Variants in SCN1A observed in about 807,000 individuals in gnomAD.
SCN1A encodes the protein sodium channel protein type 1 subunit alpha.
In SCN1A, 13 loss-of-function variants were observed where a neutral mutation model predicts 193.7. The observed-to-expected ratio is 0.07, with a 90% confidence interval of 0.04 to 0.11. The LOEUF (loss-of-function observed/expected upper bound fraction) is 0.11, where lower values mean the gene tolerates loss of function less well. SCN1A is among the 10% of genes least tolerant of loss of function. The pLI, the probability that SCN1A is intolerant of heterozygous loss-of-function variation, is 1.00. For synonymous variants in SCN1A, 781 were observed against 843.6 expected, an observed-to-expected ratio of 0.93 and a Z score of 1.29; for missense variants, 1,432 against 2,451.1, an observed-to-expected ratio of 0.58 and a Z score of 8.78.
chr2:166,056,374 A>G lies in SCN1A; in HGVS notation c.473+37T>C, dbSNP rs759148516. ...TTAAGACACAGTTTCAAAATCCCAA[A>G]TGTATATATGTTATTAAAAATATAA... On this transcript the variant is annotated intron_variant, in intron 6 of 28. Coordinates refer to ENST00000674923, the MANE Select transcript of SCN1A (RefSeq NM_001165963.4). The G allele has an allele frequency of 2.3e-5, 29 of 1,248,006 alleles. No homozygotes were observed. The African/African-American group carries it at 3.3e-4, about 14-fold the overall frequency. The allele number at this position is 1,248,006 out of a possible 1,614,324, so 77.3% of individuals were successfully genotyped here.
chr2:166,125,677 G>A (rs760846348), intron 2 of SCN1A, among the ~76,000 whole-genome samples: 2 of 151,988 alleles, frequency 1.3e-5, no homozygotes, highest in African/African-American at 4.8e-5. Flanking sequence ...GTATCTAGTC[G>A]GTCTGGTTGC....
rs1689322634 is a variant in SCN1A at position 165,992,235 on chromosome 2, G to A, written c.5040C>T (p.Val1680=). The change falls in exon 29 of 29, where the codon GTC becomes GTT. Residue 1680 remains valine (V), a synonymous_variant. Coordinates refer to ENST00000674923, the MANE Select transcript of SCN1A (RefSeq NM_001165963.4). The surrounding 1 kb of genome is among the most constrained non-coding windows in gnomAD (Gnocchi z 6.5). ...LFNIGLLLFL[V]MFIYAIFGMS... ...TCCCAAAGATGGCGTAGATGAACAT[G>A]ACTAGGAAGAGTAGGAGGCCGATGT... 3 of 1,613,866 alleles carry A rather than the reference G, an allele frequency of 1.9e-6. No individual in the cohort carries two copies. Among genetic ancestry groups the A allele is most frequent in the South Asian group, 2.2e-5 (2 of 91,076 alleles).
At chr2:166,140,271 C>T (rs550996793) in intron 1 of SCN1A, among the ~76,000 whole-genome samples, 2 of 152,208 alleles carry the variant, frequency 1.3e-5, no homozygotes, top group African/African-American at 2.4e-5. Flanking sequence ...CTCTGCAATT[C>T]GAGTTCACAG....
In SCN1A at chr2:166,002,766, T is replaced by C; in HGVS notation, c.4003-13A>G. On this transcript the variant is annotated splice_polypyrimidine_tract_variant and intron_variant, in intron 23 of 28. Coordinates refer to ENST00000674923, the MANE Select transcript of SCN1A (RefSeq NM_001165963.4). The stretch of plus-strand genomic sequence containing the variant: ...CATTCACAACCACCTAATACACAAA[T>C]GGAAAAAAAGAAAAGTCAGAATTCT... 1.9e-6 allele frequency: 3 copies of C among 1,591,610 alleles called. No individual in the cohort carries two copies. Among genetic ancestry groups the C allele is most frequent in the Non-Finnish European group, 2.6e-6 (3 of 1,171,820 alleles).
chr2:166,146,445 G>T (rs934889165), intron 1 of SCN1A, among the ~76,000 whole-genome samples: 5 of 152,180 alleles, frequency 3.3e-5, no homozygotes, highest in African/African-American at 9.7e-5. Context: ...CTAGGTCAGT[G>T]GTTCTCAAAT....
upstream of SCN1A, chr2:166,128,142 T>G (rs1394784377): frequency 2.0e-5 from 3 of 152,110 alleles, no homozygotes; most frequent in African/African-American, 7.2e-5. Flanking sequence ...TCCAGATTTA[T>G]GATTTCTTCC....
Position 166,116,097 on chromosome 2 carries a change from G to T in SCN1A, c.-142+10827C>A, listed in dbSNP as rs575561032. Among the ~76,000 whole-genome samples the T allele has an allele frequency of 7.2e-5, 11 of 152,348 alleles. No homozygotes were observed. The East Asian group carries it at 2.1e-3, about 29-fold the overall frequency. ...ATGGGGTAAGAAATAAACCTGGACA[G>T]CTCATGAAAGCCAGCCATGCTGAAT... is the stretch of plus-strand genomic sequence containing the variant. On this transcript the variant is annotated intron_variant, in intron 2 of 28. Coordinates refer to ENST00000674923, the MANE Select transcript of SCN1A (RefSeq NM_001165963.4).
intron 25 of SCN1A, 32 bp downstream of exon 25, chr2:165,999,691 G>T: frequency 6.9e-7 from 1 of 1,455,888 alleles, no homozygotes; most frequent in Non-Finnish European, 9.6e-7. Flanking sequence ...GATCAATATT[G>T]TAAAAAGACT....
In SCN1A at chr2:165,995,355, A is replaced by C. The variant is rs1189683301; in HGVS notation, c.4581+658T>G. 2.6e-5 allele frequency among the ~76,000 whole-genome samples: 4 copies of C among 151,794 alleles called. No individual in the cohort carries two copies. In the East Asian group the frequency reaches 7.8e-4, roughly 29 times the overall value. On this transcript the variant is annotated intron_variant, in intron 27 of 28. Transcript: ENST00000674923. ...GAAACCTCTCAGATCATCATCATAAAAATATTTATAGTGTGGGATAATAGC... is the reference window on the plus strand; with the variant it reads ...GAAACCTCTCAGATCATCATCATAACAATATTTATAGTGTGGGATAATAGC...
In SCN1A at chr2:165,990,646, T is replaced by C. The variant is rs1689002520; in HGVS notation, c.*599A>G. 6.6e-6 allele frequency: 1 copy of C among 152,654 alleles called. No individual in the cohort carries two copies. The highest frequency in any genetic ancestry group is 2.1e-4 in the South Asian group (1 of 4,824). 9.5% of individuals were successfully genotyped at this position (152,654 alleles called of 1,614,324 possible). ...TAAGAATTTGTTTTTCTTGTGACTT[T>C]TTCTCATGCATGATCTCTAAGTGCA... On this transcript the variant is annotated 3_prime_UTR_variant, in exon 29 of 29. Transcript: ENST00000674923.
At chr2:166,002,028 C>G (rs543137404) in intron 24 of SCN1A, among the ~76,000 whole-genome samples, 1 of 151,390 alleles carries the variant, frequency 6.6e-6, no homozygotes, top group African/African-American at 2.4e-5. Flanking sequence ...TAGAACTCAG[C>G]AGCAGTTAAT....
At position 166,054,727 on chromosome 2, in the gene SCN1A, T is replaced by C; in HGVS notation, c.513A>G (p.Ile171Met). 1 of 1,611,652 alleles carries C rather than the reference T, an allele frequency of 6.2e-7. No homozygotes were observed. Among genetic ancestry groups the C allele is most frequent in the Non-Finnish European group, 8.5e-7 (1 of 1,178,366 alleles). Residue 171 changes from isoleucine (I) to methionine (M), a missense_variant, in exon 7 of 29, where the codon ATA becomes ATG. By Grantham distance (10) the Ile-to-Met change is conservative (BLOSUM62 1). Transcript: ENST00000674923. ...FTGIYTFESL[I>M]KIIARGFCLE... is the part of the protein sequence containing the mutation. ...AACAGAATCCCCTTGCAATAATTTT[T>C]ATAAGTGATTCAAAAGTATATATTC...
At chr2:166,015,518 T>C in intron 20 of SCN1A, 89 bp downstream of exon 20, 1 of 1,518,930 alleles carries the variant, frequency 6.6e-7, no homozygotes, top group Non-Finnish European at 9.1e-7. Context: ...CAAAGTGCCA[T>C]TTTATTATAT....
Position 166,056,499 on chromosome 2 carries a change from A to C in SCN1A, c.385T>G (p.Leu129Val), listed in dbSNP as rs747109514. The C allele has an allele frequency of 6.3e-7, 1 of 1,584,920 alleles. No homozygotes were observed. ...GTGCACATAATTAGCATGCTGAATA[A>C]TGTAGGTTATTGTTAAGGAACACAC... ...KIAIKILVHS[L>V]FSMLIMCTIL... The change falls in exon 6 of 29, where the codon TTA becomes GTA. Residue 129 changes from leucine (L) to valine (V), a missense_variant and splice_region_variant. Coordinates refer to ENST00000674923, the MANE Select transcript of SCN1A (RefSeq NM_001165963.4).
intron 19 of SCN1A, among the ~76,000 whole-genome samples, chr2:166,018,579 T>C (rs1034172051): frequency 6.6e-6 from 1 of 152,006 alleles, no homozygotes; most frequent in Admixed American, 6.5e-5. Flanking sequence ...TGTAGATTTA[T>C]GGTTCTTCTG....
intron 2 of SCN1A, among the ~76,000 whole-genome samples, chr2:166,088,666 C>A (rs1321776056): frequency 2.0e-5 from 3 of 152,168 alleles, no homozygotes; most frequent in Admixed American, 6.5e-5. Flanking sequence ...ATATATCTCA[C>A]CTGCTACCCT....
chr2:166,143,276 C>T (rs939342009), intron 1 of SCN1A, among the ~76,000 whole-genome samples: 17 of 149,652 alleles, frequency 1.1e-4, no homozygotes, highest in African/African-American at 4.2e-4. Flanking sequence ...AAGCCATTCT[C>T]CTGCCTCAGC....
rs372746134 is a variant in SCN1A at position 166,057,634 on chromosome 2, T to A, written c.383+936A>T. ...GTATAAAAACCCTATCATATGATTTTTATGTTTCAAATCTTTTAATTTTAG... is the reference window on the plus strand; with the variant it reads ...GTATAAAAACCCTATCATATGATTTATATGTTTCAAATCTTTTAATTTTAG... On this transcript the variant is annotated intron_variant, in intron 5 of 28. Coordinates refer to ENST00000674923, the MANE Select transcript of SCN1A (RefSeq NM_001165963.4). Among the ~76,000 whole-genome samples the A allele has an allele frequency of 3.3e-5, 5 of 152,172 alleles. No individual in the cohort carries two copies. The East Asian group carries it at 9.6e-4, about 29-fold the overall frequency.
chr2:166,001,293 T>C (rs769922070), intron 24 of SCN1A, among the ~76,000 whole-genome samples: 1 of 151,782 alleles, frequency 6.6e-6, no homozygotes, highest in East Asian at 1.9e-4. Flanking sequence ...CCACCCGTTC[T>C]TACCAGATTT....
Sources: allele counts gnomAD v4.1 joint callset (sites outside exome capture counted in the v4.1 genomes callset), GRCh38; gene constraint gnomAD v4.1.1; non-coding constraint Gnocchi (gnomAD v3.1); transcripts MANE v1.5; gene names NCBI Gene and HGNC (gene_info 2026-07-23, HGNC 2026-07-21).